CCDC178: variants seen among roughly 807,000 people sequenced by gnomAD.
The protein encoded by CCDC178 is coiled-coil domain-containing protein 178.
Under a neutral mutation model 117.4 loss-of-function variants are expected in CCDC178, and 126 were observed. The ratio of observed to expected loss-of-function variants is 1.07; its 90% CI spans 0.93 to 1.24. The LOEUF is 1.24. CCDC178 is among the 50% of genes most tolerant of loss of function. The pLI is 0.00. For missense variants in CCDC178, 1,030 were observed against 986.9 expected (o/e 1.04, Z -0.59); for synonymous variants, 283 against 313.4 (o/e 0.90, Z 1.02).
intron 20 of CCDC178, among the ~76,000 whole-genome samples, chr18:33,103,052 A>T (rs547336044): frequency 6.6e-6 from 1 of 151,950 alleles, no homozygotes; most frequent in South Asian, 2.1e-4. Context: ...ATATATTAGT[A>T]TCGTGCTGTA....
intron 22 of CCDC178, among the ~76,000 whole-genome samples, chr18:32,959,628 T>A (rs887252071): frequency 1.3e-5 from 2 of 152,130 alleles, no homozygotes; most frequent in Non-Finnish European, 2.9e-5. Flanking sequence ...ATAACTGCAC[T>A]GTTCATTGTT....
At chr18:33,000,529 T>A (rs2055609036) in intron 21 of CCDC178, among the ~76,000 whole-genome samples, 1 of 151,980 alleles carries the variant, frequency 6.6e-6, no homozygotes, top group African/African-American at 2.4e-5. Flanking sequence ...TAAGACTACC[T>A]CAAGACATTT....
intron 3 of CCDC178, among the ~76,000 whole-genome samples, chr18:33,407,296 A>C (rs1413869045): frequency 6.6e-6 from 1 of 152,146 alleles, no homozygotes; most frequent in Non-Finnish European, 1.5e-5. Flanking sequence ...ATGTTATTTC[A>C]AGGGAAACTT....
rs1051585747 is a variant in CCDC178, at chr18:33,245,421, T to C, written c.1417A>G (p.Lys473Glu). Reference protein sequence around the residue: ...ITVKTNESIRKKSKYESEIKY... With the variant: ...ITVKTNESIREKSKYESEIKY... ...ATTTCAGATTCGTATTTTGATTTTTTCCGTATGCTGTAAAAGTAAAGCAAA... is the reference window on the plus strand; with the variant it reads ...ATTTCAGATTCGTATTTTGATTTTTCCCGTATGCTGTAAAAGTAAAGCAAA... The change falls in exon 15 of 23, where the codon AAA (lysine) becomes GAA (glutamate). Residue 473 changes from lysine (K) to glutamate (E), a missense_variant. Lys to Glu is a moderately conservative substitution (Grantham distance 56). Coordinates refer to ENST00000383096, the MANE Select transcript of CCDC178 (RefSeq NM_001105528.4). 6.4e-7 allele frequency: 1 copy of C among 1,551,884 alleles called. No homozygotes were observed. The highest frequency in any genetic ancestry group is 8.7e-7 in the Non-Finnish European group (1 of 1,149,236).
chr18:33,256,543 AAATT>A (rs2059682458), intron 14 of CCDC178, among the ~76,000 whole-genome samples: 2 of 152,102 alleles, frequency 1.3e-5, no homozygotes, highest in African/African-American at 2.4e-5. Flanking sequence ...CGGTTTAAAT[AAATT>A]AAAGTTTTAT....
intron 21 of CCDC178, among the ~76,000 whole-genome samples, chr18:32,985,853 TG>T (rs2055251660): frequency 6.6e-6 from 1 of 152,074 alleles, no homozygotes; most frequent in Non-Finnish European, 1.5e-5. Context: ...TAGGTATTAC[TG>T]GGCTATGTGA....
At chr18:33,081,436 A>T (rs529557699) in intron 21 of CCDC178, among the ~76,000 whole-genome samples, 1 of 152,336 alleles carries the variant, frequency 6.6e-6, no homozygotes, top group African/African-American at 2.4e-5. Context: ...AATTTCTGCA[A>T]CATTATCACA....
chr18:33,286,697 CTTATATGCAACAT>C (rs1017130591), intron 12 of CCDC178, among the ~76,000 whole-genome samples: 1 of 152,096 alleles, frequency 6.6e-6, no homozygotes, highest in African/African-American at 2.4e-5. Context: ...AAGGAATCCA[CTTATATGCAACAT>C]TTATATGAAA....
intron 20 of CCDC178, among the ~76,000 whole-genome samples, chr18:33,164,288 G>A (rs1441802690): frequency 2.6e-5 from 4 of 151,484 alleles, no homozygotes; most frequent in Non-Finnish European, 5.9e-5. Flanking sequence ...TAGTAGAGAC[G>A]GAGTTTCTCC....
intron 20 of CCDC178, among the ~76,000 whole-genome samples, chr18:33,117,558 C>G (rs372859770): frequency 2.0e-5 from 3 of 151,608 alleles, no homozygotes; most frequent in Non-Finnish European, 2.9e-5. Context: ...CATCACACAC[C>G]GGGGCCTGTC....
intron 22 of CCDC178, among the ~76,000 whole-genome samples, chr18:32,959,819 T>C (rs768100296): frequency 1.3e-5 from 2 of 152,000 alleles, no homozygotes; most frequent in East Asian, 1.9e-4. Context: ...CCCCACACCA[T>C]TGACATGGCT....
chr18:33,143,032 G>A (rs1363968550), intron 20 of CCDC178, among the ~76,000 whole-genome samples: 4 of 151,884 alleles, frequency 2.6e-5, no homozygotes, highest in South Asian at 2.1e-4. Flanking sequence ...ATGCTTCCAC[G>A]GGTTACAGAA....
At chr18:33,126,379 T>C (rs2058004274) in intron 20 of CCDC178, among the ~76,000 whole-genome samples, 1 of 148,900 alleles carries the variant, frequency 6.7e-6, no homozygotes, top group Non-Finnish European at 1.5e-5. Flanking sequence ...ATGTATGTGT[T>C]AATGCTACAC....
intron 15 of CCDC178, among the ~76,000 whole-genome samples, chr18:33,236,884 C>G (rs1489074442): frequency 6.6e-6 from 1 of 152,154 alleles, no homozygotes; most frequent in African/African-American, 2.4e-5. Context: ...AAAAGGTAAA[C>G]AGAGGAACCT....
chr18:33,199,792 G>T (rs72947173), intron 20 of CCDC178, among the ~76,000 whole-genome samples: 2 of 152,026 alleles, frequency 1.3e-5, no homozygotes, highest in Non-Finnish European at 2.9e-5. Context: ...TTCTGCAACC[G>T]TATTCTGTTA....
intron 20 of CCDC178, among the ~76,000 whole-genome samples, chr18:33,209,383 T>C (rs1011355567): frequency 6.6e-6 from 1 of 152,038 alleles, no homozygotes. Flanking sequence ...ATATTCTCCA[T>C]TAACTCTTGT....
intron 20 of CCDC178, among the ~76,000 whole-genome samples, chr18:33,128,625 TA>T (rs763391974): frequency 6.6e-6 from 1 of 152,116 alleles, no homozygotes; most frequent in African/African-American, 2.4e-5. Context: ...ATTGCCTTTT[TA>T]TTTAATTACT....
intron 2 of CCDC178, among the ~76,000 whole-genome samples, chr18:33,420,010 A>G (rs1478372673): frequency 6.6e-6 from 1 of 152,120 alleles, no homozygotes; most frequent in African/African-American, 2.4e-5. Flanking sequence ...TCATTGCAAC[A>G]CTATGCACAA....
intron 5 of CCDC178, 109 bp from the exon 6 acceptor site, chr18:33,370,298 T>G: frequency 1.9e-6 from 1 of 533,668 alleles, no homozygotes; most frequent in Non-Finnish European, 3.1e-6. Context: ...ACTCTTAGTT[T>G]CCTTAATAGA....
Sources: gnomAD v4.1 joint callset for allele counts (sites outside exome capture counted in the v4.1 genomes callset) on GRCh38, gnomAD v4.1.1 for gene constraint, MANE v1.5 for transcripts, NCBI Gene and HGNC (gene_info 2026-07-23, HGNC 2026-07-21) for gene names.